The following TLE6 variants were observed in gnomAD, a reference collection of about 807,000 sequenced individuals.
TLE6 encodes TLE family member 6, subcortical maternal complex member.
A neutral mutation model predicts 77.1 loss-of-function variants in TLE6; 72 were observed. The observed-to-expected ratio is 0.93, with a 90% confidence interval of 0.77 to 1.14. The LOEUF is 1.14. TLE6 is among the 50% of genes most tolerant of loss of function. TLE6 has a pLI of 0.00. For synonymous variants in TLE6, 366 were observed against 287.3 expected (o/e 1.27, Z -2.77); for missense variants, 843 against 747.6 (o/e 1.13, Z -1.49).
intron 14 of TLE6, 118 bp downstream of exon 14, chr19:2,992,102 A>C (rs765679512): frequency 7.7e-5 from 96 of 1,248,240 alleles, no homozygotes; most frequent in Non-Finnish European, 1.0e-4. Flanking sequence ...TTGGGAGGCC[A>C]AGGTGGGTGG....
intron 13 of TLE6, among the ~76,000 whole-genome samples, chr19:2,990,106 A>G (rs1458179395): frequency 1.3e-5 from 2 of 152,290 alleles, no homozygotes; most frequent in Admixed American, 1.3e-4. Context: ...TTGTAAAAAT[A>G]TAAAACAGCA....
rs1400591435 is a variant in TLE6, at chr19:2,989,609, G to C, written c.1068G>C (p.Leu356=). 1.2e-6 allele frequency: 2 copies of C among 1,614,060 alleles called. No homozygotes were observed. Among genetic ancestry groups the C allele is most frequent in the African/African-American group, 1.3e-5 (1 of 75,044 alleles). The stretch of plus-strand genomic sequence containing the variant: ...GCCTGCTCACCGGTGGCTACAACCT[G>C]GCCAGCGTGAGCGTGTGGGACCTGG... ...SRSLLTGGYN[L]ASVSVWDLAA... is the part of the protein sequence containing the mutation. The change falls in exon 13 of 17, where the codon CTG becomes CTC. Residue 356 remains leucine, a synonymous_variant. Transcript: ENST00000246112.
chr19:2,992,814 G>GGGGT (rs2089107168), intron 14 of TLE6, among the ~76,000 whole-genome samples: 1 of 99,152 alleles, frequency 1.0e-5, no homozygotes, highest in African/African-American at 3.7e-5. Context: ...CGGGTGGGGG[G>GGGGT]GGGGGAGGAT....
chr19:2,994,773 C>T lies in TLE6; in HGVS notation c.1615-127C>T, dbSNP rs540400084. The T allele has an allele frequency of 6.4e-5, 36 of 560,202 alleles. No individual in the cohort carries two copies. In the East Asian group the frequency reaches 6.4e-4, roughly 10 times the overall value. The allele number at this position is 560,202 out of a possible 1,614,324, so 34.7% of individuals were successfully genotyped here. A position where few individuals can be genotyped will look rare whatever the true frequency, so the allele number is the denominator to read the frequency against. On this transcript the variant is annotated intron_variant, in intron 16 of 16. Coordinates refer to ENST00000246112, the MANE Select transcript of TLE6 (RefSeq NM_001143986.2). ...AAGCTGAGATTGCACCACTGCACTC[C>T]AGCCTGGGCAACAGAGCAAGACCCT...
intron 3 of TLE6, 87 bp from the exon 4 acceptor site, chr19:2,981,451 C>T (rs1404093386): frequency 1.4e-6 from 2 of 1,443,224 alleles, no homozygotes; most frequent in East Asian, 2.5e-5. Flanking sequence ...TTCATTGAGA[C>T]CCTCCCTAGG....
intron 8 of TLE6, 110 bp from the exon 9 acceptor site, chr19:2,987,614 G>C (rs2088945463): frequency 6.0e-6 from 8 of 1,327,292 alleles, no homozygotes; most frequent in Admixed American, 3.5e-5. Context: ...TGGACCCGCA[G>C]ACAGGACCCC....
intron 13 of TLE6, 47 bp downstream of exon 13, chr19:2,989,832 G>C: frequency 6.2e-7 from 1 of 1,602,452 alleles, no homozygotes; most frequent in Non-Finnish European, 8.5e-7. Context: ...CCAGCCTCCT[G>C]TGGCCACCTC....
At chr19:2,986,735 T>G (rs1049400909) in intron 5 of TLE6, 94 bp from the exon 6 acceptor site, 8 of 1,257,182 alleles carry the variant, frequency 6.4e-6, no homozygotes, top group Middle Eastern at 2.3e-4. Context: ...TAGATTGATA[T>G]ACCTTCTTCT....
chr19:2,980,252 T>A, intron 3 of TLE6, 70 bp downstream of exon 3: 1 of 1,336,042 alleles, frequency 7.5e-7, no homozygotes, highest in Non-Finnish European at 1.0e-6. Flanking sequence ...CTCCCGGGGG[T>A]CCTAGTGAGT....
At position 2,989,754 on chromosome 19, in the gene TLE6, A is replaced by G. The variant is rs757279812; in HGVS notation, c.1213A>G (p.Ile405Val). Residue 405 changes from isoleucine to valine, a missense_variant, in exon 13 of 17, where the codon ATC becomes GTC. Transcript: ENST00000246112. ...FASFTSGVVR[I>V]WDLRDQSVVR... ...CAGCTTCACCAGTGGTGTGGTCAGG[A>G]TCTGGGACCTGCGGGATCAGAGTGT... 6.2e-7 allele frequency: 1 copy of G among 1,614,142 alleles called. No homozygotes were observed. The highest frequency in any genetic ancestry group is 1.1e-5 in the South Asian group (1 of 91,082).
chr19:2,988,161 G>A (rs1275375016), intron 11 of TLE6, 33 bp downstream of exon 11: 1 of 1,549,304 alleles, frequency 6.5e-7, no homozygotes, highest in Non-Finnish European at 8.7e-7. Flanking sequence ...TTTGGGCGGG[G>A]TGAGGGGCAG....
intron 5 of TLE6, among the ~76,000 whole-genome samples, chr19:2,985,424 AC>A (rs1335709260): frequency 3.3e-5 from 2 of 59,868 alleles, no homozygotes; most frequent in African/African-American, 9.0e-5. Flanking sequence ...TTTTTTTGAG[AC>A]AAGTCTCGCT....
intron 8 of TLE6, 99 bp downstream of exon 8, chr19:2,987,471 T>G: frequency 2.6e-6 from 4 of 1,543,756 alleles, no homozygotes; most frequent in Non-Finnish European, 3.6e-6. Context: ...GGGATTTGTC[T>G]TCCTTCCATC....
intron 7 of TLE6, 27 bp downstream of exon 7, chr19:2,987,265 A>G: frequency 1.9e-6 from 3 of 1,614,070 alleles, no homozygotes; most frequent in Non-Finnish European, 1.7e-6. Flanking sequence ...GTGAGGGGGA[A>G]GGGGCAGCCA....
intron 3 of TLE6, among the ~76,000 whole-genome samples, chr19:2,981,130 G>A (rs2088789418): frequency 1.3e-5 from 2 of 151,958 alleles, no homozygotes; most frequent in Non-Finnish European, 2.9e-5. Context: ...AGGCCGAGGT[G>A]GGCGGATCAC....
At chr19:2,993,882 CTG>C (rs1241574485) in intron 15 of TLE6, 135 bp from the exon 16 acceptor site, 51 of 782,196 alleles carry the variant, frequency 6.5e-5, no homozygotes, top group Non-Finnish European at 7.7e-5. Flanking sequence ...ATACCACTGA[CTG>C]TAGTCCAGCC....
chr19:2,987,621 C>A, intron 8 of TLE6, 103 bp from the exon 9 acceptor site: 3 of 1,362,854 alleles, frequency 2.2e-6, no homozygotes, highest in Admixed American at 1.7e-5. Flanking sequence ...GCAGACAGGA[C>A]CCCAGGCAGC....
intron 16 of TLE6, 106 bp downstream of exon 16, chr19:2,994,201 T>A: frequency 1.1e-6 from 1 of 907,126 alleles, no homozygotes; most frequent in Non-Finnish European, 1.7e-6. Flanking sequence ...AGTAGCCAGG[T>A]GTGGTGGCTC....
intron 5 of TLE6, among the ~76,000 whole-genome samples, chr19:2,982,770 C>A (rs143634011): frequency 6.6e-6 from 1 of 152,184 alleles, no homozygotes; most frequent in Non-Finnish European, 1.5e-5. Flanking sequence ...TGAGCTGCTT[C>A]CAAGAGAGGG....
Sources: allele counts gnomAD v4.1 joint callset (sites outside exome capture counted in the v4.1 genomes callset), GRCh38; gene constraint gnomAD v4.1.1; transcripts MANE v1.5; gene names NCBI Gene and HGNC (gene_info 2026-07-23, HGNC 2026-07-21).